The following GRIA4 variants were observed in gnomAD, a reference collection of about 807,000 sequenced individuals.
GRIA4 encodes the protein glutamate ionotropic receptor AMPA type subunit 4.
A neutral mutation model predicts 104.0 loss-of-function variants in GRIA4; 34 were observed. The observed-to-expected ratio is 0.33, with a 90% CI of 0.25 to 0.44. The LOEUF is 0.44. Among genes scored for constraint, GRIA4 ranks in the 20% least tolerant of loss-of-function variants. The probability of loss-of-function intolerance (pLI) is 1.00; values close to 1 mark genes in which losing one functional copy is unlikely to be tolerated. For missense variants in GRIA4, 750 were observed against 1,096.5 expected, an observed-to-expected ratio of 0.68 and a Z score of 4.46; for synonymous variants, 386 against 381.9, an observed-to-expected ratio of 1.01 and a Z score of -0.13.
At chr11:105,610,870 C>CTTTT (rs55973528) in intron 1 of GRIA4, 38 bp from the exon 2 acceptor site, 3 of 357,382 alleles carry the variant, frequency 8.4e-6, no homozygotes, top group African/African-American at 2.6e-5. Flanking sequence ...TCTTTCTTTT[C>CTTTT]TTTTTTTTTT....
At chr11:105,833,283 T>C (rs1177992972) in intron 4 of GRIA4, among the ~76,000 whole-genome samples, 1 of 152,010 alleles carries the variant, frequency 6.6e-6, no homozygotes, top group Admixed American at 6.6e-5. Flanking sequence ...TTATTTCACC[T>C]GTCTCCCTCC....
At chr11:105,787,025 G>C (rs538324311) in intron 4 of GRIA4, among the ~76,000 whole-genome samples, 1 of 152,250 alleles carries the variant, frequency 6.6e-6, no homozygotes, top group East Asian at 1.9e-4. Flanking sequence ...CTCTTTCTTA[G>C]TGTACATTTT....
intron 4 of GRIA4, among the ~76,000 whole-genome samples, chr11:105,857,098 A>T (rs1945034955): frequency 6.6e-6 from 1 of 152,086 alleles, no homozygotes; most frequent in African/African-American, 2.4e-5. Context: ...TCCTCCATGT[A>T]CTGAAACCTG....
At chr11:105,832,557 G>A (rs1944014142) in intron 4 of GRIA4, among the ~76,000 whole-genome samples, 1 of 151,912 alleles carries the variant, frequency 6.6e-6, no homozygotes, top group South Asian at 2.1e-4. Context: ...TTACAGATGA[G>A]CAAACTGAAG....
At chr11:105,863,515 A>G (rs1282632170) in intron 5 of GRIA4, among the ~76,000 whole-genome samples, 1 of 152,086 alleles carries the variant, frequency 6.6e-6, no homozygotes, top group African/African-American at 2.4e-5. Flanking sequence ...GTAGCTATTC[A>G]ATGTATATGA....
In GRIA4 at chr11:105,822,403, A is replaced by C. The variant is rs113441338; in HGVS notation, c.488-39621A>C. ...AGAGGAAGTCAGACACACACTATAA[A>C]TGTTTATACTTATGCAGGTCAGTGT... On this transcript the variant is annotated intron_variant, in intron 4 of 16. Coordinates refer to ENST00000282499, the MANE Select transcript of GRIA4 (RefSeq NM_000829.4). Among the ~76,000 whole-genome samples the C allele has an allele frequency of 9.6e-3, 1,458 of 152,204 alleles. 24 individuals carry two copies. The highest frequency in any genetic ancestry group is 0.033 in the African/African-American group (1,381 of 41,542).
In GRIA4 at chr11:105,610,939, CT is replaced by C; in HGVS notation, c.-56del. On this transcript the variant is annotated 5_prime_UTR_variant, in exon 2 of 17. Transcript: ENST00000282499. ...CGTCTTCAATGCTTCTCTGAACAGC[CT>C]TTAGGAAGAGTGCGAGAGAAAGAGA... is the stretch of plus-strand genomic sequence containing the variant. 1 of 979,242 alleles carries C rather than the reference CT, an allele frequency of 1.0e-6. No homozygotes were observed. Among genetic ancestry groups the C allele is most frequent in the Non-Finnish European group, 1.6e-6 (1 of 619,870 alleles). The allele number at this position is 979,242 out of a possible 1,614,324, so 60.7% of individuals were successfully genotyped here.
chr11:105,835,951 G>C (rs1355109205), intron 4 of GRIA4, among the ~76,000 whole-genome samples: 1 of 151,994 alleles, frequency 6.6e-6, no homozygotes, highest in African/African-American at 2.4e-5. Flanking sequence ...TACAATGTTT[G>C]AGGATAAAAG....
At chr11:105,780,311 C>A (rs538267122) in intron 4 of GRIA4, among the ~76,000 whole-genome samples, 1 of 152,032 alleles carries the variant, frequency 6.6e-6, no homozygotes, top group Non-Finnish European at 1.5e-5. Flanking sequence ...ATGCCAAGGA[C>A]CCTGAGTATC....
intron 4 of GRIA4, among the ~76,000 whole-genome samples, chr11:105,836,119 G>C (rs1319214179): frequency 3.3e-5 from 5 of 151,998 alleles, no homozygotes; most frequent in Non-Finnish European, 7.4e-5. Flanking sequence ...GTAGAAATAG[G>C]CTCTTAGAAA....
At chr11:105,658,531 G>T (rs1951910287) in intron 3 of GRIA4, among the ~76,000 whole-genome samples, 1 of 151,854 alleles carries the variant, frequency 6.6e-6, no homozygotes, top group Non-Finnish European at 1.5e-5. Flanking sequence ...TAATGGAGGT[G>T]ATTTCTGTGG....
chr11:105,790,771 CT>C (rs1222204087), intron 4 of GRIA4, among the ~76,000 whole-genome samples: 1 of 152,044 alleles, frequency 6.6e-6, no homozygotes, highest in African/African-American at 2.4e-5. Flanking sequence ...CAGAAAAGTT[CT>C]TTGAGATCCA....
At chr11:105,915,394 A>G (rs1200387203) in intron 10 of GRIA4, among the ~76,000 whole-genome samples, 1 of 152,228 alleles carries the variant, frequency 6.6e-6, no homozygotes, top group Non-Finnish European at 1.5e-5. Context: ...CCAAAATAAA[A>G]AAGAAAGAAA....
chr11:105,728,844 G>T (rs998370153), intron 3 of GRIA4, among the ~76,000 whole-genome samples: 8 of 152,080 alleles, frequency 5.3e-5, no homozygotes, highest in African/African-American at 2.4e-5. Flanking sequence ...CTGGGACACA[G>T]CTAAAGCAGT....
intron 3 of GRIA4, among the ~76,000 whole-genome samples, chr11:105,701,034 C>T (rs1953470726): frequency 6.6e-6 from 1 of 152,130 alleles, no homozygotes; most frequent in Admixed American, 6.6e-5. Flanking sequence ...GTAACTTATG[C>T]TTGTTCTTGC....
intron 9 of GRIA4, 58 bp from the exon 10 acceptor site, chr11:105,910,374 TAAG>T: frequency 1.2e-6 from 1 of 817,760 alleles, no homozygotes; most frequent in Non-Finnish European, 2.1e-6. Flanking sequence ...TTCATTTTTC[TAAG>T]AAGAACTAGA....
At chr11:105,624,117 C>T (rs1950825162) in intron 3 of GRIA4, among the ~76,000 whole-genome samples, 1 of 151,982 alleles carries the variant, frequency 6.6e-6, no homozygotes, top group African/African-American at 2.4e-5. Context: ...AACATTTTTT[C>T]TCATTTGTTT....
intron 4 of GRIA4, among the ~76,000 whole-genome samples, chr11:105,828,924 C>T (rs1409654215): frequency 6.6e-6 from 1 of 151,960 alleles, no homozygotes; most frequent in African/African-American, 2.4e-5. Context: ...AATTTTCAGC[C>T]TTACCAGAAA....
At chr11:105,889,384 A>T (rs1450440258) in intron 6 of GRIA4, among the ~76,000 whole-genome samples, 1 of 152,180 alleles carries the variant, frequency 6.6e-6, no homozygotes, top group Non-Finnish European at 1.5e-5. Context: ...GTAACACATG[A>T]TTAGATCAGT....
Sources: gnomAD v4.1 joint callset for allele counts (sites outside exome capture counted in the v4.1 genomes callset) on GRCh38, gnomAD v4.1.1 for gene constraint, MANE v1.5 for transcripts, NCBI Gene and HGNC (gene_info 2026-07-23, HGNC 2026-07-21) for gene names.